Variants in USP43 observed in about 807,000 individuals in gnomAD.
The protein encoded by USP43 is ubiquitin specific peptidase 43, also known as ubiquitin carboxyl-terminal hydrolase 43.
In USP43, 33 loss-of-function variants were observed where a neutral mutation model predicts 90.7. The ratio of observed to expected loss-of-function variants is 0.36; its 90% CI spans 0.28 to 0.49. USP43 has a LOEUF of 0.49. Ranked by LOEUF, USP43 falls within the 20% of genes least tolerant of loss-of-function variation. The pLI is 0.98. For synonymous variants in USP43, 598 were observed against 615.8 expected, an observed-to-expected ratio of 0.97 and a Z score of 0.43; for missense variants, 1,274 against 1,476.4, an observed-to-expected ratio of 0.86 and a Z score of 2.25.
intron 3 of USP43, among the ~76,000 whole-genome samples, chr17:9,670,701 A>G (rs1913356599): frequency 6.6e-6 from 1 of 152,174 alleles, no homozygotes; most frequent in African/African-American, 2.4e-5. Context: ...CGTGGGATGA[A>G]TCGGGGGTGG....
intron 3 of USP43, among the ~76,000 whole-genome samples, chr17:9,673,614 T>C (rs943215172): frequency 1.3e-5 from 2 of 152,216 alleles, no homozygotes; most frequent in African/African-American, 4.8e-5. Context: ...ACATTATATA[T>C]ATCTACTCTG....
intron 9 of USP43, among the ~76,000 whole-genome samples, chr17:9,696,764 G>A (rs1915293892): frequency 6.6e-6 from 1 of 152,218 alleles, no homozygotes; most frequent in African/African-American, 2.4e-5. Flanking sequence ...CCACACTTGT[G>A]AAGGTGGCCT....
At chr17:9,653,460 C>T (rs1912014917) in intron 1 of USP43, among the ~76,000 whole-genome samples, 1 of 152,094 alleles carries the variant, frequency 6.6e-6, no homozygotes, top group African/African-American at 2.4e-5. Flanking sequence ...TGGTGGCAGG[C>T]CCCTGTAATC....
chr17:9,689,989 G>T (rs973557130), intron 8 of USP43, among the ~76,000 whole-genome samples: 2 of 152,184 alleles, frequency 1.3e-5, no homozygotes, highest in African/African-American at 4.8e-5. Flanking sequence ...TTTCGTCTTT[G>T]TTGAAGCCGT....
rs372116868 is a variant in USP43, at chr17:9,728,723, C to T, written c.3105C>T (p.Asp1035=). 1.0e-5 allele frequency: 16 copies of T among 1,600,758 alleles called. No individual in the cohort carries two copies. Among genetic ancestry groups the T allele is most frequent in the Admixed American group, 5.2e-5 (3 of 57,274 alleles). The change falls in exon 15 of 15, where the codon GAC becomes GAT. Residue 1035 remains aspartate (D), a synonymous_variant. Coordinates refer to ENST00000285199, the MANE Select transcript of USP43 (RefSeq NM_153210.5). The surrounding 1 kb of genome is among the most constrained non-coding windows in gnomAD (Gnocchi z 6.2). ...LVSGGLSPAM[D]GQAPGSPPAL... ...GTGGCGGGCTGAGCCCTGCCATGGA[C>T]GGGCAGGCTCCAGGCTCACCTCCTG... is the stretch of plus-strand genomic sequence containing the variant.
chr17:9,705,826 C>T (rs908854644), intron 12 of USP43, among the ~76,000 whole-genome samples: 1 of 151,392 alleles, frequency 6.6e-6, no homozygotes, highest in Non-Finnish European at 1.5e-5. Flanking sequence ...GCTGTGATAA[C>T]CCTTTAGATA....
At chr17:9,665,582 A>T (rs973168925) in intron 2 of USP43, among the ~76,000 whole-genome samples, 2 of 152,170 alleles carry the variant, frequency 1.3e-5, no homozygotes, top group Non-Finnish European at 2.9e-5. Context: ...CTCTCTAGAC[A>T]TGTGGGGATT....
At chr17:9,679,103 T>A (rs1913988834) in intron 5 of USP43, among the ~76,000 whole-genome samples, 1 of 152,206 alleles carries the variant, frequency 6.6e-6, no homozygotes, top group African/African-American at 2.4e-5. Context: ...ATATTTACCT[T>A]TGCCAATGTT....
chr17:9,701,026 G>A lies in USP43; in HGVS notation c.1536-93G>A. On this transcript the variant is annotated intron_variant, in intron 10 of 14. Coordinates refer to ENST00000285199, the MANE Select transcript of USP43 (RefSeq NM_153210.5). This position sits in a 1 kb window ranked among gnomAD's most constrained non-coding sequence, Gnocchi z 7.2. ...GGCACGGTAGTGTGGCCTGGCCAATGTCTGCTGACGGGTTTGCTGTGAGTA... is the reference window on the plus strand; with the variant it reads ...GGCACGGTAGTGTGGCCTGGCCAATATCTGCTGACGGGTTTGCTGTGAGTA... 7.2e-7 allele frequency: 1 copy of A among 1,392,222 alleles called. No homozygotes were observed. Among genetic ancestry groups the A allele is most frequent in the Non-Finnish European group, 9.3e-7 (1 of 1,071,328 alleles). 86.2% of individuals were successfully genotyped at this position (1,392,222 alleles called of 1,614,324 possible).
At chr17:9,666,951 T>G (rs1913070293) in intron 3 of USP43, among the ~76,000 whole-genome samples, 200 bp downstream of exon 3, 1 of 152,148 alleles carries the variant, frequency 6.6e-6, no homozygotes, top group African/African-American at 2.4e-5. Flanking sequence ...TTTTCCTTCT[T>G]CTTGGCTTCT....
chr17:9,703,875 A>G (rs2151990261), intron 12 of USP43, among the ~76,000 whole-genome samples: 1 of 152,342 alleles, frequency 6.6e-6, no homozygotes, highest in East Asian at 1.9e-4. Flanking sequence ...AGGGTATTGT[A>G]GATGAGTGTC....
intron 2 of USP43, among the ~76,000 whole-genome samples, chr17:9,664,764 A>T (rs1173653250): frequency 6.6e-6 from 1 of 151,350 alleles, no homozygotes; most frequent in Non-Finnish European, 1.5e-5. Flanking sequence ...CAGCCTCCCG[A>T]GTAGCCGGGA....
chr17:9,662,818 CTCT>C (rs1489693537), intron 2 of USP43, among the ~76,000 whole-genome samples: 356 of 138,356 alleles, frequency 2.6e-3, no homozygotes, highest in African/African-American at 9.3e-3. Context: ...TATATATGAT[CTCT>C]TTTTTTTTTT....
chr17:9,690,978 A>C (rs777171141), intron 8 of USP43, among the ~76,000 whole-genome samples: 3 of 152,164 alleles, frequency 2.0e-5, no homozygotes, highest in Non-Finnish European at 4.4e-5. Flanking sequence ...TATCTGTATG[A>C]ATTTTCCTGT....
chr17:9,682,877 G>C lies in USP43; in HGVS notation c.1160G>C (p.Arg387Pro). 5.0e-6 allele frequency: 8 copies of C among 1,614,016 alleles called. No homozygotes were observed. The highest frequency in any genetic ancestry group is 6.8e-6 in the Non-Finnish European group (8 of 1,179,884). The part of the protein sequence containing the change: ...SPRLAAREGQ[R>P]FSLSLHSESK... ...CGCCTGGCAGCCCGTGAGGGCCAGC[G>C]ATTCTCCCTCTCTCTCCACAGTGAG... Residue 387 changes from arginine to proline, a missense_variant, in exon 7 of 15, where the codon CGA (arginine) becomes CCA (proline). Physicochemically the swap from Arg to Pro is moderately radical, Grantham distance 103. This residue lies in a region of USP43 where 253 missense variants were observed against 276.0 expected (regional missense o/e 0.92). Transcript: ENST00000285199.
intron 9 of USP43, among the ~76,000 whole-genome samples, chr17:9,696,003 G>A (rs536140590): frequency 2.0e-5 from 3 of 152,130 alleles, no homozygotes; most frequent in Admixed American, 2.0e-4. Context: ...ACACCACCTA[G>A]AAATATATCT....
rs139764043 is a variant in USP43, at chr17:9,692,571, C to T, written c.1354-556C>T. ...CATTGAATTTTTAAGAGGCATCTTC[C>T]GTTAAATATGTCATTGTAAGCCTCA... On this transcript the variant is annotated intron_variant, in intron 8 of 14. Transcript: ENST00000285199. 3.0e-3 allele frequency among the ~76,000 whole-genome samples: 464 copies of T among 152,144 alleles called. 1 individual carries two copies. Among genetic ancestry groups the T allele is most frequent in the Admixed American group, 6.3e-3 (96 of 15,272 alleles).
At chr17:9,676,392 T>C (rs766338318) in intron 4 of USP43, among the ~76,000 whole-genome samples, 2 of 152,130 alleles carry the variant, frequency 1.3e-5, no homozygotes, top group Non-Finnish European at 2.9e-5. Context: ...CTTTTTGAGA[T>C]GGAGTCTTGC....
rs747205181 is a variant in USP43 at position 9,712,021 on chromosome 17, G to A, written c.2224G>A (p.Ala742Thr). 6.8e-6 allele frequency: 11 copies of A among 1,610,868 alleles called. No homozygotes were observed. The highest frequency in any genetic ancestry group is 1.7e-5 in the Admixed American group (1 of 59,720). Residue 742 changes from alanine to threonine, a missense_variant, in exon 14 of 15, where the codon GCT becomes ACT. Around this residue, in one of 6 missense-constraint regions of USP43, gnomAD observed 285 missense variants for 349.6 expected, o/e 0.82. Coordinates refer to ENST00000285199, the MANE Select transcript of USP43 (RefSeq NM_153210.5). ...CTGGCTCTTACGGCTCGGGAGCCAC[G>A]CTGGCAGCACAAGGGGAAGCCTGCT... Reference protein sequence around the residue: ...DHWLLRLGSHAGSTRGSLLSW... With the variant: ...DHWLLRLGSHTGSTRGSLLSW...
Sources: gnomAD v4.1 joint callset for allele counts (sites outside exome capture counted in the v4.1 genomes callset) on GRCh38, gnomAD v4.1.1 for gene constraint, gnomAD v4.1.1 regional missense constraint, Gnocchi (gnomAD v3.1) non-coding constraint, MANE v1.5 for transcripts, NCBI Gene and HGNC (gene_info 2026-07-23, HGNC 2026-07-21) for gene names.